Variants in COL22A1 observed in about 807,000 individuals in gnomAD.
COL22A1 encodes collagen alpha-1(XXII) chain.
A neutral mutation model predicts 248.9 loss-of-function variants in COL22A1; 221 were observed. The observed-to-expected ratio is 0.89, with a 90% confidence interval of 0.80 to 0.99. COL22A1 has a LOEUF of 0.99. COL22A1 is among the 50% of genes least tolerant of loss of function. The probability of loss-of-function intolerance (pLI) is 0.00; values close to 1 mark genes in which losing one functional copy is unlikely to be tolerated. For synonymous variants in COL22A1, 891 were observed against 793.4 expected, an observed-to-expected ratio of 1.12 and a Z score of -2.07; for missense variants, 2,240 against 2,179.0, an observed-to-expected ratio of 1.03 and a Z score of -0.56.
intron 10 of COL22A1, among the ~76,000 whole-genome samples, chr8:138,805,901 T>C (rs889214472): frequency 1.4e-5 from 2 of 146,988 alleles, no homozygotes; most frequent in Non-Finnish European, 3.0e-5. Flanking sequence ...TATTATGGTG[T>C]AGGTGTGATG....
chr8:138,697,904 T>C (rs13249448), intron 32 of COL22A1, among the ~76,000 whole-genome samples: 92,761 of 152,048 alleles, frequency 0.61, 29,073 homozygotes, highest in East Asian at 0.8. Flanking sequence ...TTTTTTTCCA[T>C]AGACATAATT....
chr8:138,810,664 C>A (rs1459101460), intron 9 of COL22A1, among the ~76,000 whole-genome samples: 1 of 152,146 alleles, frequency 6.6e-6, no homozygotes, highest in Non-Finnish European at 1.5e-5. Flanking sequence ...TGAGAACTCC[C>A]CAAGGGTTCC....
intron 10 of COL22A1, among the ~76,000 whole-genome samples, chr8:138,804,751 GGT>G (rs1461879494): frequency 6.6e-5 from 10 of 150,486 alleles, no homozygotes; most frequent in Middle Eastern, 3.5e-3. Context: ...TGTGATGAGG[GGT>G]GTGTGTGTGA....
intron 41 of COL22A1, among the ~76,000 whole-genome samples, chr8:138,670,099 C>T (rs775638818): frequency 4.6e-5 from 7 of 152,084 alleles, no homozygotes; most frequent in East Asian, 1.9e-4. Context: ...GTTAGCCGGG[C>T]TGGTCTTGAA....
chr8:138,606,681 G>A (rs2131855862), intron 57 of COL22A1, among the ~76,000 whole-genome samples: 1 of 152,178 alleles, frequency 6.6e-6, no homozygotes, highest in South Asian at 2.1e-4. Context: ...AACAGCCAAG[G>A]GTCTTTCCAT....
chr8:138,780,154 G>A (rs938126672), intron 13 of COL22A1, among the ~76,000 whole-genome samples: 1 of 152,134 alleles, frequency 6.6e-6, no homozygotes, highest in South Asian at 2.1e-4. Flanking sequence ...AAAAACTGGC[G>A]CCACCCTGAC....
intron 41 of COL22A1, among the ~76,000 whole-genome samples, chr8:138,667,869 C>T (rs572970268): frequency 3.7e-4 from 56 of 152,002 alleles, no homozygotes; most frequent in African/African-American, 9.9e-4. Flanking sequence ...TGAAGTCTTG[C>T]CAACAACATC....
At chr8:138,881,050 G>A (rs773021887) in intron 2 of COL22A1, among the ~76,000 whole-genome samples, 16 of 152,176 alleles carry the variant, frequency 1.1e-4, no homozygotes, top group Admixed American at 2.6e-4. Flanking sequence ...CCTTGATTCC[G>A]CCAAGGCAGG....
chr8:138,908,292 C>T (rs750382521), intron 1 of COL22A1, among the ~76,000 whole-genome samples: 1 of 152,206 alleles, frequency 6.6e-6, no homozygotes, highest in African/African-American at 2.4e-5. Context: ...TTTGGATATA[C>T]ATCAGTTGTG....
intron 3 of COL22A1, among the ~76,000 whole-genome samples, chr8:138,860,294 C>T (rs145386051): frequency 1.3e-5 from 2 of 152,298 alleles, no homozygotes; most frequent in African/African-American, 4.8e-5. Flanking sequence ...TGTATCCCCT[C>T]TGTGGCAGAG....
rs557225952 is a variant in COL22A1 at position 138,862,261 on chromosome 8, A to G, written c.658+15489T>C. Among the ~76,000 whole-genome samples, 44 of 152,238 alleles carry G rather than the reference A, an allele frequency of 2.9e-4. 1 individual carries two copies. In the South Asian group the frequency reaches 8.3e-3, roughly 29 times the overall value. On this transcript the variant is annotated intron_variant, in intron 3 of 64. Transcript: ENST00000303045. ...AATAAAGTTTAAAGTAAAACAAAAC[A>G]AAGTCTTCAATGGGTTGCCACTCAA...
intron 1 of COL22A1, among the ~76,000 whole-genome samples, chr8:138,889,080 CTCT>C (rs1824868034): frequency 6.6e-6 from 1 of 152,188 alleles, no homozygotes; most frequent in African/African-American, 2.4e-5. Context: ...GCTCATGTGA[CTCT>C]TCAAGGCAGG....
At chr8:138,838,254 T>A (rs1348968770) in intron 4 of COL22A1, among the ~76,000 whole-genome samples, 1 of 151,850 alleles carries the variant, frequency 6.6e-6, no homozygotes, top group African/African-American at 2.4e-5. Flanking sequence ...AGAGGTGGGG[T>A]CCCTGGAGGC....
intron 22 of COL22A1, among the ~76,000 whole-genome samples, chr8:138,748,811 G>A (rs1832349201): frequency 6.6e-6 from 1 of 152,196 alleles, no homozygotes; most frequent in Admixed American, 6.5e-5. Flanking sequence ...GATGATGGCA[G>A]TCACCCTGGG....
At chr8:138,766,680 GAA>G (rs1382801897) in intron 16 of COL22A1, among the ~76,000 whole-genome samples, 21 of 152,162 alleles carry the variant, frequency 1.4e-4, no homozygotes, top group African/African-American at 5.1e-4. Context: ...AGACAGGACA[GAA>G]GAGAGAGTTT....
chr8:138,752,759 T>C lies in COL22A1; in HGVS notation c.2032-1248A>G, dbSNP rs79655154. On this transcript the variant is annotated intron_variant, in intron 21 of 64. Coordinates refer to ENST00000303045, the MANE Select transcript of COL22A1 (RefSeq NM_152888.3). ...GGGATATATTTTCCTCTCTCTGGGA[T>C]TGCTGAACACAAACTCAAAATTTTC... Among the ~76,000 whole-genome samples, 1,380 of 152,332 alleles carry C rather than the reference T, an allele frequency of 9.1e-3. 23 individuals are homozygous for C. Among genetic ancestry groups the C allele is most frequent in the African/African-American group, 0.031 (1,297 of 41,570 alleles).
At chr8:138,833,431 G>A (rs1208297399) in intron 4 of COL22A1, among the ~76,000 whole-genome samples, 1 of 152,208 alleles carries the variant, frequency 6.6e-6, no homozygotes, top group African/African-American at 2.4e-5. Context: ...GAGACAAATG[G>A]AGGGTGTCCT....
intron 1 of COL22A1, among the ~76,000 whole-genome samples, chr8:138,901,369 G>GTGTT (rs1814547443): frequency 3.4e-5 from 4 of 118,760 alleles, no homozygotes; most frequent in South Asian, 2.9e-4. Context: ...TTTTTTTTTT[G>GTGTT]TTTTTTTTTT....
intron 1 of COL22A1, among the ~76,000 whole-genome samples, chr8:138,898,873 CTT>C (rs1051427614): frequency 5.3e-5 from 8 of 152,152 alleles, no homozygotes; most frequent in African/African-American, 1.4e-4. Flanking sequence ...TCCTTGCTCT[CTT>C]GTTTCCCTCT....
Sources: allele counts gnomAD v4.1 joint callset (sites outside exome capture counted in the v4.1 genomes callset), GRCh38; gene constraint gnomAD v4.1.1; transcripts MANE v1.5; gene names NCBI Gene and HGNC (gene_info 2026-07-23, HGNC 2026-07-21).